Variants in NTRK3 observed in about 807,000 individuals in gnomAD.
NTRK3 encodes the protein NT-3 growth factor receptor.
NTRK3 carries 24 observed loss-of-function variants against 91.7 expected under a neutral mutation model. The ratio of observed to expected loss-of-function variants is 0.26; its 90% CI spans 0.19 to 0.37. The LOEUF (loss-of-function observed/expected upper bound fraction) is 0.37, where lower values mean the gene tolerates loss of function less well. Among genes scored for constraint, NTRK3 ranks in the 10% least tolerant of loss-of-function variants. NTRK3 has a pLI of 1.00. For synonymous variants in NTRK3, 483 were observed against 404.0 expected (o/e 1.20, Z -2.34); for missense variants, 880 against 1,068.9 (o/e 0.82, Z 2.46).
intron 17 of NTRK3, among the ~76,000 whole-genome samples, chr15:87,893,554 T>C (rs2065953472): frequency 1.3e-5 from 2 of 152,188 alleles, no homozygotes; most frequent in Non-Finnish European, 2.9e-5. Flanking sequence ...CTTGCTCATT[T>C]CCATTGAGTG....
At chr15:87,935,748 C>CT (rs2069220117) in intron 15 of NTRK3, among the ~76,000 whole-genome samples, 1 of 152,164 alleles carries the variant, frequency 6.6e-6, no homozygotes, top group South Asian at 2.1e-4. Flanking sequence ...AATGACAGCC[C>CT]TGGGATATTT....
At chr15:87,884,428 C>T (rs1345132769) in intron 17 of NTRK3, among the ~76,000 whole-genome samples, 1 of 151,306 alleles carries the variant, frequency 6.6e-6, no homozygotes, top group Non-Finnish European at 1.5e-5. Context: ...TTTTTCAAAG[C>T]AAAAAAAGAT....
rs569493671 is a variant in NTRK3 at position 87,989,974 on chromosome 15, T to C, written c.1585+42883A>G. On this transcript the variant is annotated intron_variant, in intron 14 of 18. Transcript: ENST00000394480. ...AATTTTTTCTGGTTTTCTTTGTTTT[T>C]TCCCTTTTCCTTTTCTTCTCACTCA... Among the ~76,000 whole-genome samples, 13 of 152,334 alleles carry C rather than the reference T, an allele frequency of 8.5e-5. No individual in the cohort carries two copies. In the South Asian group the frequency reaches 2.7e-3, roughly 32 times the overall value.
At chr15:88,167,024 A>G (rs2045027916) in intron 5 of NTRK3, among the ~76,000 whole-genome samples, 1 of 152,164 alleles carries the variant, frequency 6.6e-6, no homozygotes, top group South Asian at 2.1e-4. Flanking sequence ...CTTAAGACCC[A>G]TGTCCTTCCT....
intron 3 of NTRK3, among the ~76,000 whole-genome samples, chr15:88,249,968 T>A (rs765401478): frequency 2.4e-4 from 37 of 152,162 alleles, no homozygotes; most frequent in Admixed American, 5.9e-4. Context: ...TGCTGCCCTT[T>A]GGGTGGAAAA....
At chr15:88,248,382 T>C (rs987262396) in intron 3 of NTRK3, among the ~76,000 whole-genome samples, 1 of 152,212 alleles carries the variant, frequency 6.6e-6, no homozygotes, top group African/African-American at 2.4e-5. Context: ...CACCCATAAT[T>C]ATCCTATGTG....
At chr15:88,130,806 C>T (rs1054569430) in intron 10 of NTRK3, among the ~76,000 whole-genome samples, 1 of 152,160 alleles carries the variant, frequency 6.6e-6, no homozygotes, top group African/African-American at 2.4e-5. Flanking sequence ...GTGTGTAATT[C>T]TGAATTGGAT....
intron 13 of NTRK3, among the ~76,000 whole-genome samples, chr15:88,066,702 C>T (rs1371838398): frequency 6.6e-6 from 1 of 152,122 alleles, no homozygotes; most frequent in Non-Finnish European, 1.5e-5. Context: ...AGAGCCTTGG[C>T]CAATCCCATG....
At chr15:87,863,529 T>TG (rs2064580394) in exon 19 of NTRK3, 1 of 219,580 alleles carries the variant, frequency 4.6e-6, no homozygotes. Context: ...AAAGTCTTTT[T>TG]TTTTTTTTGT....
intron 5 of NTRK3, among the ~76,000 whole-genome samples, chr15:88,165,411 G>A (rs567458024): frequency 6.6e-6 from 1 of 152,206 alleles, no homozygotes; most frequent in South Asian, 2.1e-4. Context: ...TACTGCTATG[G>A]CTGACCTCAA....
intron 13 of NTRK3, among the ~76,000 whole-genome samples, chr15:88,081,759 G>A (rs536650906): frequency 8.5e-5 from 13 of 152,244 alleles, no homozygotes; most frequent in African/African-American, 2.2e-4. Context: ...TCCCATGCCC[G>A]CTTGTTCCTC....
At chr15:88,113,193 T>C (rs1438163628) in intron 13 of NTRK3, among the ~76,000 whole-genome samples, 2 of 152,204 alleles carry the variant, frequency 1.3e-5, no homozygotes, top group Non-Finnish European at 2.9e-5. Flanking sequence ...GTGTAGGTTT[T>C]GTCTGGAAAC....
intron 13 of NTRK3, among the ~76,000 whole-genome samples, chr15:88,109,104 A>T (rs569451490): frequency 6.6e-6 from 1 of 152,188 alleles, no homozygotes; most frequent in Admixed American, 6.5e-5. Flanking sequence ...ATCCATGGGG[A>T]GTCTTTGCAA....
At chr15:87,959,251 G>A (rs192641347) in intron 14 of NTRK3, among the ~76,000 whole-genome samples, 1 of 152,222 alleles carries the variant, frequency 6.6e-6, no homozygotes, top group African/African-American at 2.4e-5. Context: ...CTAGTGGGCA[G>A]AGCTCTGGCT....
chr15:87,954,632 T>C (rs1331857002), intron 14 of NTRK3, among the ~76,000 whole-genome samples: 2 of 152,222 alleles, frequency 1.3e-5, no homozygotes, highest in Non-Finnish European at 2.9e-5. Flanking sequence ...AACCACTTGA[T>C]AAATGTTTCA....
chr15:88,214,208 CT>C (rs2049521462), intron 3 of NTRK3, among the ~76,000 whole-genome samples: 1 of 152,198 alleles, frequency 6.6e-6, no homozygotes, highest in South Asian at 2.1e-4. Flanking sequence ...ATGAAATTGT[CT>C]CACAGTCCTG....
At chr15:88,012,296 TAACACAACCTAA>T (rs2076935957) in intron 14 of NTRK3, among the ~76,000 whole-genome samples, 1 of 152,180 alleles carries the variant, frequency 6.6e-6, no homozygotes, top group South Asian at 2.1e-4. Flanking sequence ...GGAAACGTAT[TAACACAACCTAA>T]AACACAAACC....
intron 5 of NTRK3, among the ~76,000 whole-genome samples, chr15:88,168,198 CTG>C (rs1219978970): frequency 6.6e-6 from 1 of 152,172 alleles, no homozygotes; most frequent in African/African-American, 2.4e-5. Context: ...AACCCCATGA[CTG>C]TGAAATCACT....
intron 18 of NTRK3, among the ~76,000 whole-genome samples, chr15:87,877,969 C>T (rs1034500601): frequency 1.3e-5 from 2 of 152,122 alleles, no homozygotes; most frequent in Non-Finnish European, 2.9e-5. Context: ...GCATGCCTGG[C>T]CAACCCCAGC....
Sources: gnomAD v4.1 joint callset for allele counts (sites outside exome capture counted in the v4.1 genomes callset) on GRCh38, gnomAD v4.1.1 for gene constraint, MANE v1.5 for transcripts, NCBI Gene and HGNC (gene_info 2026-07-23, HGNC 2026-07-21) for gene names.